The following SNW1 variants were observed in gnomAD, a reference collection of about 807,000 sequenced individuals.
The protein encoded by SNW1 is SNW domain containing 1.
SNW1 carries 9 observed loss-of-function variants against 75.6 expected under a neutral mutation model. That is an observed-to-expected ratio of 0.12 (90% CI 0.07 to 0.21). The LOEUF is 0.21. Among genes scored for constraint, SNW1 ranks in the 10% least tolerant of loss-of-function variants. The pLI is 1.00. For missense variants in SNW1, 409 were observed against 670.9 expected, an observed-to-expected ratio of 0.61 and a Z score of 4.31; for synonymous variants, 200 against 219.1, an observed-to-expected ratio of 0.91 and a Z score of 0.77.
At chr14:77,728,721 G>C (rs1048622026) in intron 10 of SNW1, among the ~76,000 whole-genome samples, 4 of 152,136 alleles carry the variant, frequency 2.6e-5, no homozygotes, top group African/African-American at 9.7e-5. Flanking sequence ...AATTAACCAT[G>C]TGACCTGCGC....
Position 77,717,643 on chromosome 14 carries a change from AAG to A in SNW1, c.*443_*444del. The stretch of plus-strand genomic sequence containing the variant: ...TTTGAAACAAATAGTTGCACCAAGC[AAG>A]AGGTTACTTTGCCCACTCCAAATTA... On this transcript the variant is annotated 3_prime_UTR_variant, in exon 14 of 14. Coordinates refer to ENST00000261531, the MANE Select transcript of SNW1 (RefSeq NM_012245.3). 1 of 1,388,812 alleles carries A rather than the reference AAG, an allele frequency of 7.2e-7. No homozygotes were observed. The highest frequency in any genetic ancestry group is 1.0e-6 in the Non-Finnish European group (1 of 991,042). The allele number at this position is 1,388,812 out of a possible 1,614,324, so 86.0% of individuals were successfully genotyped here. A position where few individuals can be genotyped will look rare whatever the true frequency, so the allele number is the denominator to read the frequency against.
chr14:77,734,541 C>T (rs565232957), intron 8 of SNW1, among the ~76,000 whole-genome samples: 42 of 152,274 alleles, frequency 2.8e-4, no homozygotes, highest in Middle Eastern at 3.4e-3. Context: ...AGATCAAGAC[C>T]AACCTGGCCA....
chr14:77,760,624 T>G, intron 1 of SNW1: 1 of 702,318 alleles, frequency 1.4e-6, no homozygotes, highest in Non-Finnish European at 2.6e-6. Context: ...CATTTAAATC[T>G]GTGTTCAGCT....
chr14:77,731,574 T>G (rs2080627234), intron 9 of SNW1, among the ~76,000 whole-genome samples: 1 of 152,160 alleles, frequency 6.6e-6, no homozygotes, highest in South Asian at 2.1e-4. Context: ...AATAACACTT[T>G]CAAAGTTAAT....
Position 77,718,480 on chromosome 14 carries a change from A to G in SNW1, c.1299T>C (p.Tyr433=). ...CTTTACCACCTCTCCAGGCTTGATCATAAACATTATAAATTTCATCTTCTC... is the reference window on the plus strand; with the variant it reads ...CTTTACCACCTCTCCAGGCTTGATCGTAAACATTATAAATTTCATCTTCTC... ...AGGEDEIYNV[Y]DQAWRGGKDM... Residue 433 remains tyrosine, a synonymous_variant, in exon 13 of 14, where the codon TAT becomes TAC. Coordinates refer to ENST00000261531, the MANE Select transcript of SNW1 (RefSeq NM_012245.3). The G allele has an allele frequency of 1.9e-6, 3 of 1,613,856 alleles. No individual in the cohort carries two copies. The highest frequency in any genetic ancestry group is 2.5e-6 in the Non-Finnish European group (3 of 1,179,832).
intron 11 of SNW1, chr14:77,721,101 C>G: frequency 2.6e-6 from 1 of 381,398 alleles, no homozygotes; most frequent in Non-Finnish European, 4.8e-6. Context: ...AAGCAATCAC[C>G]TTACAACCAT....
In SNW1 at chr14:77,724,513, C is replaced by T. The variant is rs549798028; in HGVS notation, c.1034-1236G>A. Among the ~76,000 whole-genome samples, 8 of 152,298 alleles carry T rather than the reference C, an allele frequency of 5.3e-5. No individual in the cohort carries two copies. In the East Asian group the frequency reaches 7.7e-4, roughly 15 times the overall value. On this transcript the variant is annotated intron_variant, in intron 10 of 13. Transcript: ENST00000261531. ...ACCAATCTCTCTTCATTCCCTGTCC[C>T]CAACATCCTTCCCAACCACTGGTAA... is the stretch of plus-strand genomic sequence containing the variant.
In SNW1 at chr14:77,728,559, T is replaced by C. The variant is rs148140626; in HGVS notation, c.1033+2429A>G. Among the ~76,000 whole-genome samples the C allele has an allele frequency of 2.5e-4, 38 of 152,386 alleles. No homozygotes were observed. The East Asian group carries it at 6.4e-3, about 25-fold the overall frequency. On this transcript the variant is annotated intron_variant, in intron 10 of 13. Transcript: ENST00000261531. Reference sequence around the variant, plus strand: ...TATTGAATAAAGAACTGTCAGCTTATTTCCCTTAGGGGCTGGCTGGATCTT... The same window carrying C: ...TATTGAATAAAGAACTGTCAGCTTACTTCCCTTAGGGGCTGGCTGGATCTT...
In SNW1 at chr14:77,717,750, G is replaced by A. The variant is rs954911133; in HGVS notation, c.*338C>T. The A allele has an allele frequency of 1.9e-5, 12 of 616,920 alleles. No homozygotes were observed. The African/African-American group carries it at 2.2e-4, about 11-fold the overall frequency. 38.2% of individuals were successfully genotyped at this position (616,920 alleles called of 1,614,324 possible). A position where few individuals can be genotyped will look rare whatever the true frequency, so the allele number is the denominator to read the frequency against. On this transcript the variant is annotated 3_prime_UTR_variant, in exon 14 of 14. Transcript: ENST00000261531. ...ACATCTTCCTCCTCACTGTGGTTGG[G>A]GTAACTTTACTCATATGCAGCTGTT... is the stretch of plus-strand genomic sequence containing the variant.
intron 3 of SNW1, among the ~76,000 whole-genome samples, chr14:77,744,896 A>G (rs1318417419): frequency 2.0e-5 from 3 of 152,164 alleles, no homozygotes; most frequent in Non-Finnish European, 4.4e-5. Context: ...AATTTCCAGT[A>G]TATGTTCTCC....
intron 3 of SNW1, among the ~76,000 whole-genome samples, chr14:77,743,334 A>G (rs1232184505): frequency 6.6e-6 from 1 of 152,184 alleles, no homozygotes; most frequent in Non-Finnish European, 1.5e-5. Flanking sequence ...TGTATGACTA[A>G]TAAGTCGTAT....
At chr14:77,735,915 T>C in intron 7 of SNW1, 22 bp downstream of exon 7, 4 of 1,603,046 alleles carry the variant, frequency 2.5e-6, no homozygotes, top group Non-Finnish European at 3.4e-6. Context: ...AAAAAAATAT[T>C]TTGGACTACA....
intron 3 of SNW1, among the ~76,000 whole-genome samples, chr14:77,744,461 A>G (rs1409054984): frequency 6.6e-6 from 1 of 150,932 alleles, no homozygotes; most frequent in Non-Finnish European, 1.5e-5. Context: ...AAAAAAAAAA[A>G]AAAAAGAAAA....
At chr14:77,752,757 AAAG>A (rs1402491294) in intron 2 of SNW1, among the ~76,000 whole-genome samples, 130 of 152,352 alleles carry the variant, frequency 8.5e-4, no homozygotes, top group African/African-American at 3.1e-3. Context: ...GATGGAAAAA[AAAG>A]AAAATATTCA....
Position 77,717,950 on chromosome 14 carries a change from C to T in SNW1, c.*138G>A. The T allele has an allele frequency of 1.4e-6, 1 of 728,472 alleles. No homozygotes were observed. Among genetic ancestry groups the T allele is most frequent in the Non-Finnish European group, 2.2e-6 (1 of 447,906 alleles). The allele number at this position is 728,472 out of a possible 1,614,324, so 45.1% of individuals were successfully genotyped here. ...GTAGAATTTTCTATCCCCCCCATTT[C>T]TCCAGTAATAAAAAGTAGTGCTGGG... On this transcript the variant is annotated 3_prime_UTR_variant, in exon 14 of 14. Transcript: ENST00000261531.
At chr14:77,754,245 T>C (rs2080828534) in intron 2 of SNW1, among the ~76,000 whole-genome samples, 3 of 151,882 alleles carry the variant, frequency 2.0e-5, no homozygotes. Flanking sequence ...GGTTGCTCCA[T>C]GTTGGTCAGG....
At chr14:77,747,794 G>A (rs947790361) in intron 3 of SNW1, among the ~76,000 whole-genome samples, 54 of 149,072 alleles carry the variant, frequency 3.6e-4, no homozygotes, top group South Asian at 8.5e-4. Context: ...TCCGGGAGGT[G>A]GGGGGCGCCT....
rs1488987210 is a variant in SNW1 at position 77,722,719 on chromosome 14, T to C, written c.1130+462A>G. The C allele has an allele frequency of 2.2e-5, 8 of 361,412 alleles. No homozygotes were observed. The East Asian group carries it at 5.8e-4, about 26-fold the overall frequency. 22.4% of individuals were successfully genotyped at this position (361,412 alleles called of 1,614,324 possible). On this transcript the variant is annotated intron_variant, in intron 11 of 13. Transcript: ENST00000261531. ...AGTAGTTAAGTACAAGAAAATTAAGTGCTAATTTATTAAGTTATCAAACTA... is the reference window on the plus strand; with the variant it reads ...AGTAGTTAAGTACAAGAAAATTAAGCGCTAATTTATTAAGTTATCAAACTA...
Position 77,717,875 on chromosome 14 carries a change from G to A in SNW1, c.*213C>T, listed in dbSNP as rs928424176. 43 of 546,228 alleles carry A rather than the reference G, an allele frequency of 7.9e-5. No homozygotes were observed. The highest frequency in any genetic ancestry group is 1.0e-4 in the Admixed American group (3 of 28,764). The allele number at this position is 546,228 out of a possible 1,614,324, so 33.8% of individuals were successfully genotyped here. On this transcript the variant is annotated 3_prime_UTR_variant, in exon 14 of 14. Coordinates refer to ENST00000261531, the MANE Select transcript of SNW1 (RefSeq NM_012245.3). ...CATGTTCTATAAATGCTGAAAGGTG[G>A]GAGAAGCACAAACACAACCCACTCT...
Sources: allele counts gnomAD v4.1 joint callset (sites outside exome capture counted in the v4.1 genomes callset), GRCh38; gene constraint gnomAD v4.1.1; transcripts MANE v1.5; gene names NCBI Gene and HGNC (gene_info 2026-07-23, HGNC 2026-07-21).